The following VWC2 variants were observed in gnomAD, a reference collection of about 807,000 sequenced individuals.
VWC2 encodes the protein von Willebrand factor C domain containing 2, also known as brorin.
VWC2 carries 14 observed loss-of-function variants against 29.8 expected under a neutral mutation model. The observed-to-expected ratio is 0.47, with a 90% CI of 0.31 to 0.74. The LOEUF (loss-of-function observed/expected upper bound fraction) is 0.74, where lower values mean the gene tolerates loss of function less well. Among genes scored for constraint, VWC2 ranks in the 30% least tolerant of loss-of-function variants. The pLI is 0.05. For synonymous variants in VWC2, 213 were observed against 199.0 expected (o/e 1.07, Z -0.59); for missense variants, 457 against 459.8 (o/e 0.99, Z 0.05).
intron 3 of VWC2, among the ~76,000 whole-genome samples, chr7:49,868,159 A>G (rs1215552483): frequency 6.6e-6 from 1 of 152,134 alleles, no homozygotes; most frequent in Non-Finnish European, 1.5e-5. Context: ...ATAAGTGAGG[A>G]AAACCCAAGT....
intron 3 of VWC2, among the ~76,000 whole-genome samples, chr7:49,854,961 T>C (rs519620): frequency 6.6e-6 from 1 of 152,140 alleles, no homozygotes; most frequent in Non-Finnish European, 1.5e-5. Context: ...CTGACAAATA[T>C]GGCTTTTGTC....
At chr7:49,858,697 TATA>T (rs950558051) in intron 3 of VWC2, among the ~76,000 whole-genome samples, 1 of 149,886 alleles carries the variant, frequency 6.7e-6, no homozygotes, top group Non-Finnish European at 1.5e-5. Context: ...AAACTTAAAG[TATA>T]ATAATAATAA....
chr7:49,815,423 C>T (rs1461246650), intron 3 of VWC2, among the ~76,000 whole-genome samples: 3 of 152,100 alleles, frequency 2.0e-5, no homozygotes, highest in Non-Finnish European at 2.9e-5. Context: ...ATACATATCA[C>T]CATGTTGTTT....
chr7:49,848,265 G>C (rs1284010626), intron 3 of VWC2, among the ~76,000 whole-genome samples: 1 of 152,322 alleles, frequency 6.6e-6, no homozygotes, highest in Non-Finnish European at 1.5e-5. Context: ...TGTCCAGAGA[G>C]TGTCACCCTC....
At position 49,916,771 on chromosome 7, in the gene VWC2, G is replaced by GCAGCTGTGAGTC; in HGVS notation, c.*4586_*4587insCAGCTGTGAGTC. 1 of 152,192 alleles carries GCAGCTGTGAGTC rather than the reference G, an allele frequency of 6.6e-6. No homozygotes were observed. The highest frequency in any genetic ancestry group is 1.5e-5 in the Non-Finnish European group (1 of 68,026). The allele number at this position is 152,192 out of a possible 1,614,324, so 9.4% of individuals were successfully genotyped here. On this transcript the variant is annotated 3_prime_UTR_variant, in exon 4 of 4. Transcript: ENST00000340652. ...ACTCCCATTACTGTTTGCCAACCCA[G>GCAGCTGTGAGTC]TTGTCTTTTGATTTCTCTGTCAACT...
chr7:49,788,619 G>A (rs901351769), intron 2 of VWC2, among the ~76,000 whole-genome samples: 7 of 134,664 alleles, frequency 5.2e-5, no homozygotes, highest in Admixed American at 2.1e-4. Flanking sequence ...TATGAGTGGT[G>A]GGTGTGTGAG....
chr7:49,885,452 A>G (rs1174283667), intron 3 of VWC2, among the ~76,000 whole-genome samples: 1 of 151,654 alleles, frequency 6.6e-6, no homozygotes, highest in Non-Finnish European at 1.5e-5. Flanking sequence ...ACTTATTGAT[A>G]CAGATGTAAG....
intron 3 of VWC2, among the ~76,000 whole-genome samples, chr7:49,905,689 G>A (rs1027720707): frequency 2.6e-5 from 4 of 152,176 alleles, no homozygotes; most frequent in African/African-American, 9.7e-5. Flanking sequence ...AATAGGGGCT[G>A]GGTAAAATGA....
chr7:49,809,669 T>A (rs1224928484), intron 3 of VWC2, among the ~76,000 whole-genome samples: 1 of 152,076 alleles, frequency 6.6e-6, no homozygotes, highest in Admixed American at 6.6e-5. Context: ...TAAAGAATTA[T>A]ACACTTTAAC....
At chr7:49,899,647 C>T (rs1326639050) in intron 3 of VWC2, among the ~76,000 whole-genome samples, 2 of 152,038 alleles carry the variant, frequency 1.3e-5, no homozygotes, top group South Asian at 2.1e-4. Flanking sequence ...ATGCATTTGC[C>T]TGAAAACAGT....
At chr7:49,855,735 G>A (rs1790392094) in intron 3 of VWC2, among the ~76,000 whole-genome samples, 1 of 152,168 alleles carries the variant, frequency 6.6e-6, no homozygotes, top group Admixed American at 6.5e-5. Context: ...GGCCAGTTCA[G>A]TGCTTGGCCT....
intron 3 of VWC2, among the ~76,000 whole-genome samples, chr7:49,900,120 A>C (rs1046092471): frequency 6.6e-6 from 1 of 151,822 alleles, no homozygotes; most frequent in African/African-American, 2.4e-5. Flanking sequence ...TTTAAACTAA[A>C]TAAAAATTTA....
At chr7:49,905,823 G>A (rs1421523154) in intron 3 of VWC2, among the ~76,000 whole-genome samples, 1 of 152,174 alleles carries the variant, frequency 6.6e-6, no homozygotes, top group Non-Finnish European at 1.5e-5. Context: ...GATAAAACAG[G>A]CTGCAGTAAA....
intron 3 of VWC2, among the ~76,000 whole-genome samples, chr7:49,848,889 G>A (rs1384998783): frequency 6.6e-6 from 1 of 152,192 alleles, no homozygotes; most frequent in Non-Finnish European, 1.5e-5. Context: ...AATCTAGACA[G>A]AACACACCTC....
intron 3 of VWC2, among the ~76,000 whole-genome samples, chr7:49,803,366 G>A (rs888696516): frequency 6.6e-6 from 1 of 152,216 alleles, no homozygotes; most frequent in African/African-American, 2.4e-5. Flanking sequence ...TCATGGGAGA[G>A]TGTTTCCTCA....
rs879726154 is a variant in VWC2, at chr7:49,893,635, G to GT, written c.827-18385dup. Reference sequence around the variant, plus strand: ...AATGAAAATGTATCTTAGGAAACCAGTTTTTTTTTTTTTTATCCTTTTGAG... The same window carrying GT: ...AATGAAAATGTATCTTAGGAAACCAGTTTTTTTTTTTTTTTATCCTTTTGAG... On this transcript the variant is annotated intron_variant, in intron 3 of 3. Coordinates refer to ENST00000340652, the MANE Select transcript of VWC2 (RefSeq NM_198570.5). Among the ~76,000 whole-genome samples the GT allele has an allele frequency of 7.9e-3, 575 of 72,630 alleles. 4 individuals are homozygous for GT. Among genetic ancestry groups the GT allele is most frequent in the Middle Eastern group, 0.014 (2 of 140 alleles). 47.6% of individuals were successfully genotyped at this position (72,630 alleles called of 152,430 possible).
intron 3 of VWC2, among the ~76,000 whole-genome samples, chr7:49,816,789 G>A (rs1789156791): frequency 2.6e-5 from 4 of 152,154 alleles, no homozygotes. Context: ...CTTGGCTTTG[G>A]AGCTAGACTG....
intron 3 of VWC2, among the ~76,000 whole-genome samples, chr7:49,880,734 T>G (rs1791627691): frequency 1.3e-5 from 2 of 152,034 alleles, no homozygotes; most frequent in African/African-American, 4.8e-5. Context: ...CTAATGTAAA[T>G]GACGAGTTAA....
chr7:49,831,995 C>G (rs1016222802), intron 3 of VWC2, among the ~76,000 whole-genome samples: 7 of 152,252 alleles, frequency 4.6e-5, no homozygotes, highest in Admixed American at 1.3e-4. Context: ...CTGAGGCCAG[C>G]CTGTTCTCAG....
Sources: gnomAD v4.1 joint callset for allele counts (sites outside exome capture counted in the v4.1 genomes callset) on GRCh38, gnomAD v4.1.1 for gene constraint, MANE v1.5 for transcripts, NCBI Gene and HGNC (gene_info 2026-07-23, HGNC 2026-07-21) for gene names.